TEX26: variants seen among roughly 807,000 people sequenced by gnomAD.
TEX26 encodes testis-expressed protein 26.
Under a neutral mutation model 35.3 loss-of-function variants are expected in TEX26, and 34 were observed. That is an observed-to-expected ratio of 0.96 (90% CI 0.73 to 1.28). The LOEUF (loss-of-function observed/expected upper bound fraction) is 1.28. Ranked by LOEUF, TEX26 falls within the 50% of genes most tolerant of loss-of-function variation. TEX26 has a pLI of 0.00. For missense variants in TEX26, 371 were observed against 330.1 expected (o/e 1.12, Z -0.96); for synonymous variants, 136 against 111.8 (o/e 1.22, Z -1.36).
chr13:30,943,925 G>T (rs552223917), intron 2 of TEX26, among the ~76,000 whole-genome samples: 1 of 151,348 alleles, frequency 6.6e-6, no homozygotes, highest in Non-Finnish European at 1.5e-5. Context: ...GTTTTCTACA[G>T]ACCAGTATTC....
intron 2 of TEX26, among the ~76,000 whole-genome samples, chr13:30,945,500 A>G (rs914337613): frequency 1.3e-5 from 2 of 151,362 alleles, no homozygotes; most frequent in African/African-American, 4.8e-5. Context: ...GTTAATTGCT[A>G]CCTAGATACT....
In TEX26 at chr13:30,966,432, CTTTTTTTTT is replaced by C. The variant is rs10523710; in HGVS notation, c.646+48_646+56del. On this transcript the variant is annotated intron_variant, in intron 5 of 6. Coordinates refer to ENST00000380473, the MANE Select transcript of TEX26 (RefSeq NM_152325.3). The stretch of plus-strand genomic sequence containing the variant: ...AGCTGCAGTTTCTTTTTCTTTTTCT[CTTTTTTTTT>C]TTTTTTTTTTTTTGAGACGGAGTTT... 227 of 997,248 alleles carry C rather than the reference CTTTTTTTTT, an allele frequency of 2.3e-4. 2 individuals are homozygous for C. Among genetic ancestry groups the C allele is most frequent in the Middle Eastern group, 1.8e-3 (5 of 2,826 alleles). 61.8% of individuals were successfully genotyped at this position (997,248 alleles called of 1,614,324 possible).
intron 3 of TEX26, 107 bp from the exon 4 acceptor site, chr13:30,956,766 C>A: frequency 9.7e-7 from 1 of 1,034,890 alleles, no homozygotes; most frequent in Non-Finnish European, 1.4e-6. Context: ...GCAGTGGCAG[C>A]TGGTTGTAAA....
chr13:30,934,227 G>A (rs1566135432), intron 1 of TEX26, among the ~76,000 whole-genome samples: 1 of 152,112 alleles, frequency 6.6e-6, no homozygotes, highest in Non-Finnish European at 1.5e-5. Flanking sequence ...TTTCCCCCAG[G>A]TGAATTCGCC....
rs557431427 is a variant in TEX26, at chr13:30,957,167, A to C, written c.469+138A>C. The C allele has an allele frequency of 1.4e-4, 112 of 828,464 alleles. No homozygotes were observed. In the African/African-American group the frequency reaches 1.8e-3, roughly 14 times the overall value. 51.3% of individuals were successfully genotyped at this position (828,464 alleles called of 1,614,324 possible). On this transcript the variant is annotated intron_variant, in intron 4 of 6. Transcript: ENST00000380473. Reference sequence around the variant, plus strand: ...GGAGACAGGCGACTTTGCAAATAAAAACCATCAAGTATAAAAAGGTGCACC... The same window carrying C: ...GGAGACAGGCGACTTTGCAAATAAACACCATCAAGTATAAAAAGGTGCACC...
At chr13:30,969,162 GCCT>G in intron 6 of TEX26, 116 bp downstream of exon 6, 1 of 825,552 alleles carries the variant, frequency 1.2e-6, no homozygotes, top group Non-Finnish European at 1.7e-6. Context: ...TGAAAACATT[GCCT>G]CAAAAAAAAA....
chr13:30,936,776 C>T lies in TEX26; in HGVS notation c.62-2918C>T, dbSNP rs985457702. 1.2e-5 allele frequency: 12 copies of T among 985,068 alleles called. No individual in the cohort carries two copies. The East Asian group carries it at 4.5e-4, about 37-fold the overall frequency. The allele number at this position is 985,068 out of a possible 1,614,324, so 61.0% of individuals were successfully genotyped here. ...ATGAGAGAAGAAAGAATTAGGAAGA[C>T]GTAATCACAGGAAAGATGGATATGA... On this transcript the variant is annotated intron_variant, in intron 1 of 6. Coordinates refer to ENST00000380473, the MANE Select transcript of TEX26 (RefSeq NM_152325.3).
intron 1 of TEX26, 80 bp downstream of exon 1, chr13:30,932,856 C>T (rs1593520374): frequency 1.3e-6 from 2 of 1,493,768 alleles, no homozygotes; most frequent in East Asian, 4.8e-5. Flanking sequence ...GAAAAAGGGG[C>T]CTTAGTATTT....
chr13:30,942,723 C>T (rs374174428), intron 2 of TEX26, among the ~76,000 whole-genome samples: 1 of 151,900 alleles, frequency 6.6e-6, no homozygotes, highest in South Asian at 2.1e-4. Context: ...TTCCCGGCAC[C>T]ATTTATTAAA....
In TEX26 at chr13:30,956,890, A is replaced by G. The variant is rs1162280550; in HGVS notation, c.330A>G (p.Thr110=). The part of the protein sequence containing the change: ...SHLNEDIFLW[T]LPHCQQTGTL... ...TTTGATAGGACATTTTCCTGTGGAC[A>G]CTACCTCACTGTCAACAAACGGGGA... The change falls in exon 4 of 7, where the codon ACA becomes ACG. Residue 110 remains threonine (T), a synonymous_variant. Coordinates refer to ENST00000380473, the MANE Select transcript of TEX26 (RefSeq NM_152325.3). The G allele has an allele frequency of 1.2e-6, 2 of 1,614,150 alleles. No individual in the cohort carries two copies. Among genetic ancestry groups the G allele is most frequent in the South Asian group, 1.1e-5 (1 of 91,078 alleles).
chr13:30,937,624 T>C (rs1412628202), intron 1 of TEX26, among the ~76,000 whole-genome samples: 1 of 152,176 alleles, frequency 6.6e-6, no homozygotes, highest in African/African-American at 2.4e-5. Flanking sequence ...CTTTCAAGCA[T>C]AAAGCGATGC....
intron 2 of TEX26, among the ~76,000 whole-genome samples, chr13:30,946,746 G>C (rs140388389): frequency 1.6e-4 from 24 of 152,032 alleles, no homozygotes; most frequent in African/African-American, 5.5e-4. Context: ...TTGTATGATG[G>C]CTTTGTCAAA....
At chr13:30,973,733 A>C (rs1403941395) in intron 6 of TEX26, among the ~76,000 whole-genome samples, 1 of 152,064 alleles carries the variant, frequency 6.6e-6, no homozygotes, top group Non-Finnish European at 1.5e-5. Flanking sequence ...GCAGGATAAC[A>C]TGAACATTGA....
intron 3 of TEX26, among the ~76,000 whole-genome samples, chr13:30,954,222 C>T (rs1954036853): frequency 6.8e-6 from 1 of 146,980 alleles, no homozygotes; most frequent in Admixed American, 6.9e-5. Context: ...CTTGTGATAT[C>T]CATTCATTGT....
chr13:30,968,642 G>C (rs535391036), intron 5 of TEX26, among the ~76,000 whole-genome samples: 1 of 152,266 alleles, frequency 6.6e-6, no homozygotes, highest in African/African-American at 2.4e-5. Flanking sequence ...TCACCCTTCT[G>C]GTCATTCTCC....
At chr13:30,951,234 A>C (rs934393203) in intron 2 of TEX26, among the ~76,000 whole-genome samples, 2 of 151,968 alleles carry the variant, frequency 1.3e-5, no homozygotes, top group African/African-American at 4.8e-5. Context: ...ACATGCCTGT[A>C]AGTCCTAACT....
At position 30,956,866 on chromosome 13, in the gene TEX26, T is replaced by C. The variant is rs57797460; in HGVS notation, c.313-7T>C. 5.6e-3 allele frequency: 8,986 copies of C among 1,613,148 alleles called. 463 individuals are homozygous for C. In the African/African-American group the frequency reaches 0.11, roughly 19 times the overall value. ...GATTTTCTTGAAAATTATGTTTGCT[T>C]TGATAGGACATTTTCCTGTGGACAC... is the stretch of plus-strand genomic sequence containing the variant. On this transcript the variant is annotated splice_region_variant and splice_polypyrimidine_tract_variant and intron_variant, in intron 3 of 6. Transcript: ENST00000380473.
chr13:30,949,653 A>T (rs1404530351), intron 2 of TEX26, among the ~76,000 whole-genome samples: 1 of 151,920 alleles, frequency 6.6e-6, no homozygotes, highest in African/African-American at 2.4e-5. Flanking sequence ...ATTGCATTAT[A>T]TCCAAAAATA....
intron 1 of TEX26, chr13:30,936,767 T>C: frequency 1.0e-6 from 1 of 985,230 alleles, no homozygotes; most frequent in Non-Finnish European, 1.2e-6. Context: ...GAAGAAAGAA[T>C]TAGGAAGACG....
Sources: allele counts gnomAD v4.1 joint callset (sites outside exome capture counted in the v4.1 genomes callset), GRCh38; gene constraint gnomAD v4.1.1; transcripts MANE v1.5; gene names NCBI Gene and HGNC (gene_info 2026-07-23, HGNC 2026-07-21).